Variants in PCDHA5 observed in about 807,000 individuals in gnomAD.
The protein encoded by PCDHA5 is protocadherin alpha-5.
Under a neutral mutation model 61.6 loss-of-function variants are expected in PCDHA5, and 43 were observed. The observed-to-expected ratio is 0.70, with a 90% CI of 0.55 to 0.90. The LOEUF is 0.90. PCDHA5 is among the 40% of genes least tolerant of loss of function. The pLI, the probability that PCDHA5 is intolerant of heterozygous loss-of-function variation, is 0.00. For missense variants in PCDHA5, 1,298 were observed against 1,222.7 expected, an observed-to-expected ratio of 1.06 and a Z score of -0.92; for synonymous variants, 627 against 543.9, an observed-to-expected ratio of 1.15 and a Z score of -2.13.
In PCDHA5 at chr5:140,822,221, C is replaced by A. The variant is rs2150114637; in HGVS notation, c.446C>A (p.Ser149Ter). ...LFILESRMPD[S>*]RFPLEGASDL... ...ATTTTAGAGTCAAGAATGCCAGATTCGCGGTTTCCGCTAGAGGGCGCGTCG... is the reference window on the plus strand; with the variant it reads ...ATTTTAGAGTCAAGAATGCCAGATTAGCGGTTTCCGCTAGAGGGCGCGTCG... The change falls in exon 1 of 4, where the codon TCG (serine) becomes TAG (stop). Residue 149 changes from serine to a stop codon, truncating the protein, a stop_gained. Transcript: ENST00000529859. LOFTEE classifies it high-confidence loss of function. 1 of 1,614,218 alleles carries A rather than the reference C, an allele frequency of 6.2e-7. No individual in the cohort carries two copies. Among genetic ancestry groups the A allele is most frequent in the Non-Finnish European group, 8.5e-7 (1 of 1,180,030 alleles).
intron 1 of PCDHA5, chr5:140,824,418 A>G: frequency 3.9e-6 from 2 of 513,258 alleles, no homozygotes; most frequent in South Asian, 2.8e-5. Context: ...CATAGTTTGG[A>G]GTCATTCTCA....
intron 1 of PCDHA5, chr5:140,854,137 G>A (rs1297927276): frequency 9.5e-6 from 4 of 422,564 alleles, no homozygotes; most frequent in Non-Finnish European, 9.2e-6. Context: ...ATTTCAGCCC[G>A]GGTGACAGCA....
At chr5:140,996,831 T>C (rs1196344709) in intron 3 of PCDHA5, among the ~76,000 whole-genome samples, 1 of 152,204 alleles carries the variant, frequency 6.6e-6, no homozygotes, top group Non-Finnish European at 1.5e-5. Flanking sequence ...CTACCAATAA[T>C]TTAGCGTGCA....
chr5:140,957,948 G>C (rs2153715688), intron 1 of PCDHA5, among the ~76,000 whole-genome samples: 1 of 152,152 alleles, frequency 6.6e-6, no homozygotes, highest in Non-Finnish European at 1.5e-5. Flanking sequence ...AGATCTTTAA[G>C]ACTATTAATT....
At chr5:140,838,344 G>A (rs1185722843) in intron 1 of PCDHA5, among the ~76,000 whole-genome samples, 1 of 148,412 alleles carries the variant, frequency 6.7e-6, no homozygotes, top group African/African-American at 2.5e-5. Context: ...GGCTGGTCTC[G>A]AAATCTGGGA....
intron 1 of PCDHA5, among the ~76,000 whole-genome samples, chr5:140,890,818 A>G (rs1170693390): frequency 1.3e-5 from 2 of 152,204 alleles, no homozygotes; most frequent in African/African-American, 4.8e-5. Flanking sequence ...ATTGTTTTAA[A>G]TGTACTTACA....
In PCDHA5 at chr5:140,824,006, T is replaced by C; in HGVS notation, c.2231T>C (p.Val744Ala). The C allele has an allele frequency of 1.2e-6, 2 of 1,613,804 alleles. No homozygotes were observed. Among genetic ancestry groups the C allele is most frequent in the South Asian group, 1.1e-5 (1 of 91,058 alleles). Residue 744 changes from valine to alanine, a missense_variant, in exon 1 of 4, where the codon GTG becomes GCG. Val to Ala is a moderately conservative substitution (Grantham distance 64). Coordinates refer to ENST00000529859, the MANE Select transcript of PCDHA5 (RefSeq NM_018908.3). ...GKPTLLCSSA[V>A]GSWSYSQQRR... ...CCCACTCTGTTGTGCTCCAGCGCGG[T>C]GGGGAGCTGGTCGTACTCGCAGCAG...
At chr5:140,839,492 T>A (rs1240592123) in intron 1 of PCDHA5, among the ~76,000 whole-genome samples, 2 of 151,944 alleles carry the variant, frequency 1.3e-5, no homozygotes, top group Non-Finnish European at 2.9e-5. Context: ...TGGGCTCAAG[T>A]GATCTTCCTA....
Position 140,971,209 on chromosome 5 carries a change from C to A in PCDHA5, c.2353-7740C>A, listed in dbSNP as rs147218200. 2.2e-3 allele frequency among the ~76,000 whole-genome samples: 328 copies of A among 152,236 alleles called. 3 individuals are homozygous for A. Among genetic ancestry groups the A allele is most frequent in the African/African-American group, 7.7e-3 (319 of 41,534 alleles). Reference sequence around the variant, plus strand: ...AAGCTCAGAGGAAAGACACTGTTACCCTCCCTCTCCTGACTCAAAGCTTGG... The same window carrying A: ...AAGCTCAGAGGAAAGACACTGTTACACTCCCTCTCCTGACTCAAAGCTTGG... On this transcript the variant is annotated intron_variant, in intron 1 of 3. Coordinates refer to ENST00000529859, the MANE Select transcript of PCDHA5 (RefSeq NM_018908.3).
intron 1 of PCDHA5, chr5:140,967,077 G>A (rs1483899506): frequency 1.9e-6 from 3 of 1,613,140 alleles, no homozygotes; most frequent in South Asian, 1.1e-5. Context: ...GTCAACGAGC[G>A]CATTGATCGG....
chr5:140,947,290 T>G (rs1554218137), intron 1 of PCDHA5, among the ~76,000 whole-genome samples: 2 of 151,614 alleles, frequency 1.3e-5, no homozygotes, highest in Non-Finnish European at 3.0e-5. Context: ...TTTTATTGCA[T>G]TATCTTGACA....
chr5:140,957,594 A>C (rs2095369947), intron 1 of PCDHA5, among the ~76,000 whole-genome samples: 1 of 152,154 alleles, frequency 6.6e-6, no homozygotes, highest in Non-Finnish European at 1.5e-5. Context: ...AGCACTTCCC[A>C]GAATAAACAC....
At chr5:140,920,425 C>T (rs1444166830) in intron 1 of PCDHA5, among the ~76,000 whole-genome samples, 1 of 151,960 alleles carries the variant, frequency 6.6e-6, no homozygotes, top group Non-Finnish European at 1.5e-5. Flanking sequence ...GCTGTTCTCC[C>T]ACACACCTCT....
intron 1 of PCDHA5, chr5:140,884,052 G>A (rs200938440): frequency 8.7e-6 from 14 of 1,613,472 alleles, no homozygotes; most frequent in African/African-American, 4.0e-5. Context: ...GCGAAGGTGC[G>A]CGCGGTGGAC....
intron 3 of PCDHA5, among the ~76,000 whole-genome samples, chr5:140,992,037 G>A (rs2153898781): frequency 6.6e-6 from 1 of 152,006 alleles, no homozygotes; most frequent in East Asian, 1.9e-4. Context: ...GTGTGTGTGT[G>A]TGTGTGTGTG....
At chr5:141,000,609 G>A (rs2097951405) in intron 3 of PCDHA5, among the ~76,000 whole-genome samples, 1 of 150,600 alleles carries the variant, frequency 6.6e-6, no homozygotes. Context: ...TGTATTTTTA[G>A]TAGAGACAGG....
intron 1 of PCDHA5, chr5:140,929,003 G>A: frequency 6.2e-7 from 1 of 1,614,106 alleles, no homozygotes; most frequent in South Asian, 1.1e-5. Flanking sequence ...TTCTTCGTGT[G>A]TACCAAGTTG....
At position 140,850,416 on chromosome 5, in the gene PCDHA5, G is replaced by A. The variant is rs2150483366; in HGVS notation, c.2352+26289G>A. 14 of 1,598,000 alleles carry A rather than the reference G, an allele frequency of 8.8e-6. 2 individuals are homozygous for A. In the Admixed American group the frequency reaches 2.0e-4, roughly 23 times the overall value. Reference sequence around the variant, plus strand: ...CACAACGCGTGCCCTGGACGAAACGGACGCACCGCGCCAGCGCCTACTGGT... The same window carrying A: ...CACAACGCGTGCCCTGGACGAAACGAACGCACCGCGCCAGCGCCTACTGGT... On this transcript the variant is annotated intron_variant, in intron 1 of 3. Transcript: ENST00000529859.
At chr5:140,849,104 A>G in intron 1 of PCDHA5, 1 of 1,463,110 alleles carries the variant, frequency 6.8e-7, no homozygotes, top group Non-Finnish European at 9.3e-7. Flanking sequence ...TAGACAGAGA[A>G]GAAACTCCGG....
Sources: gnomAD v4.1 joint callset for allele counts (sites outside exome capture counted in the v4.1 genomes callset) on GRCh38, gnomAD v4.1.1 for gene constraint, MANE v1.5 for transcripts, NCBI Gene and HGNC (gene_info 2026-07-23, HGNC 2026-07-21) for gene names.